The following SYCP1 variants were observed in gnomAD, a reference collection of about 807,000 sequenced individuals.
The protein encoded by SYCP1 is synaptonemal complex protein 1.
Under a neutral mutation model 153.1 loss-of-function variants are expected in SYCP1, and 64 were observed. The observed-to-expected ratio is 0.42, with a 90% confidence interval of 0.34 to 0.51. The LOEUF (loss-of-function observed/expected upper bound fraction) is 0.51. Ranked by LOEUF, SYCP1 falls within the 20% of genes least tolerant of loss-of-function variation. The pLI, the probability that SYCP1 is intolerant of heterozygous loss-of-function variation, is 0.06. For missense variants in SYCP1, 997 were observed against 1,049.0 expected (o/e 0.95, Z 0.68); for synonymous variants, 384 against 341.8 (o/e 1.12, Z -1.36).
intron 5 of SYCP1, 55 bp downstream of exon 5, chr1:114,857,552 A>G: frequency 8.0e-7 from 1 of 1,242,790 alleles, no homozygotes; most frequent in Non-Finnish European, 1.1e-6. Context: ...ATAACTTATT[A>G]CCTATATGTA....
chr1:114,977,493 A>C (rs1672876362), intron 27 of SYCP1, 64 bp from the exon 28 acceptor site: 1 of 994,658 alleles, frequency 1.0e-6, no homozygotes, highest in African/African-American at 1.7e-5. Context: ...AAAGATTTTG[A>C]TAATATTCAT....
Position 114,918,815 on chromosome 1 carries a change from T to C in SYCP1, c.1719-4634T>C, listed in dbSNP as rs572062491. Among the ~76,000 whole-genome samples the C allele has an allele frequency of 7.2e-5, 11 of 152,222 alleles. No homozygotes were observed. The South Asian group carries it at 2.3e-3, about 32-fold the overall frequency. On this transcript the variant is annotated intron_variant, in intron 20 of 31. Coordinates refer to ENST00000369522, the MANE Select transcript of SYCP1 (RefSeq NM_003176.4). Reference sequence around the variant, plus strand: ...ATTGTTTGCTGTTGGCATATAGAAATGCTACTGATTCTTTTATCCTGAAAC... The same window carrying C: ...ATTGTTTGCTGTTGGCATATAGAAACGCTACTGATTCTTTTATCCTGAAAC...
chr1:114,877,107 A>G (rs998470236), intron 11 of SYCP1, among the ~76,000 whole-genome samples: 1 of 152,128 alleles, frequency 6.6e-6, no homozygotes, highest in Non-Finnish European at 1.5e-5. Context: ...TGTTCAGACA[A>G]AAACTTCATG....
intron 8 of SYCP1, among the ~76,000 whole-genome samples, chr1:114,865,736 C>T (rs1276822438): frequency 1.3e-5 from 2 of 152,192 alleles, no homozygotes; most frequent in African/African-American, 4.8e-5. Context: ...CATTAGTGTT[C>T]ACTCTTGGTG....
chr1:114,889,174 A>C (rs1223392141), intron 15 of SYCP1, among the ~76,000 whole-genome samples: 2 of 152,180 alleles, frequency 1.3e-5, no homozygotes, highest in Non-Finnish European at 2.9e-5. Flanking sequence ...ATATGTGTGC[A>C]TGTGTCTTTA....
At position 114,921,767 on chromosome 1, in the gene SYCP1, A is replaced by G. The variant is rs184128265; in HGVS notation, c.1719-1682A>G. 1.0e-3 allele frequency among the ~76,000 whole-genome samples: 158 copies of G among 152,252 alleles called. 2 individuals are homozygous for G. The highest frequency in any genetic ancestry group is 3.7e-3 in the African/African-American group (153 of 41,552). On this transcript the variant is annotated intron_variant, in intron 20 of 31. Transcript: ENST00000369522. ...ATCTTCAGATGATTTCTTATTGCTC[A>G]TTAACATTCTTTTCTTTCAGATGGA... is the stretch of plus-strand genomic sequence containing the variant.
chr1:114,973,231 TAG>T (rs1044030457), intron 27 of SYCP1, among the ~76,000 whole-genome samples: 3 of 152,108 alleles, frequency 2.0e-5, no homozygotes, highest in Admixed American at 6.6e-5. Flanking sequence ...TGTATTCTTT[TAG>T]AGGAATCTTC....
chr1:114,865,213 A>G (rs1052208059), intron 8 of SYCP1, among the ~76,000 whole-genome samples: 4 of 151,122 alleles, frequency 2.6e-5, no homozygotes, highest in Non-Finnish European at 5.9e-5. Context: ...CCTGGGGTCC[A>G]TTTCTGTGAT....
intron 27 of SYCP1, among the ~76,000 whole-genome samples, chr1:114,963,859 A>C (rs1027722641): frequency 1.3e-5 from 2 of 152,150 alleles, no homozygotes; most frequent in Non-Finnish European, 2.9e-5. Flanking sequence ...TTTATAGTAG[A>C]ATGATTTATA....
chr1:114,897,863 C>T (rs1382886991), intron 16 of SYCP1, among the ~76,000 whole-genome samples: 1 of 152,136 alleles, frequency 6.6e-6, no homozygotes, highest in African/African-American at 2.4e-5. Context: ...TCCTGGCAAC[C>T]ATGACAGGTA....
At position 114,910,520 on chromosome 1, in the gene SYCP1, T is replaced by C; in HGVS notation, c.1425+19T>C. 6.9e-7 allele frequency: 1 copy of C among 1,442,258 alleles called. No individual in the cohort carries two copies. 89.3% of individuals were successfully genotyped at this position (1,442,258 alleles called of 1,614,324 possible). ...CAGAGAGGTTTGTTTAAGGAAACAT[T>C]TTTATTTTAAATATTTTGTTAATAG... On this transcript the variant is annotated intron_variant, in intron 17 of 31. Transcript: ENST00000369522.
chr1:114,948,030 G>A (rs2101834396), intron 27 of SYCP1, among the ~76,000 whole-genome samples: 1 of 151,358 alleles, frequency 6.6e-6, no homozygotes, highest in East Asian at 1.9e-4. Flanking sequence ...TTAACGTTAG[G>A]TATATCTCCT....
intron 30 of SYCP1, among the ~76,000 whole-genome samples, chr1:114,989,601 T>C (rs912538317): frequency 1.3e-5 from 2 of 151,956 alleles, no homozygotes; most frequent in Admixed American, 1.3e-4. Flanking sequence ...GAAAACTATA[T>C]GCTGTTTTCA....
At chr1:114,890,936 T>A (rs759698607) in intron 15 of SYCP1, among the ~76,000 whole-genome samples, 6 of 152,170 alleles carry the variant, frequency 3.9e-5, no homozygotes, top group Non-Finnish European at 4.4e-5. Flanking sequence ...TCAGGATGCA[T>A]GTAAAGAACA....
At chr1:114,918,335 T>C (rs962204797) in intron 20 of SYCP1, among the ~76,000 whole-genome samples, 13 of 152,140 alleles carry the variant, frequency 8.5e-5, no homozygotes, top group Non-Finnish European at 1.8e-4. Context: ...CTCTGTTCTG[T>C]TTCATTGGTC....
intron 15 of SYCP1, among the ~76,000 whole-genome samples, chr1:114,892,000 C>T (rs1023083540): frequency 2.0e-5 from 3 of 151,998 alleles, no homozygotes; most frequent in Non-Finnish European, 4.4e-5. Flanking sequence ...TGGGCCAGTC[C>T]GCAGGCCTAC....
chr1:114,986,715 A>G (rs191176447), intron 30 of SYCP1, among the ~76,000 whole-genome samples: 1 of 152,168 alleles, frequency 6.6e-6, no homozygotes, highest in Non-Finnish European at 1.5e-5. Flanking sequence ...GACCTCAGGA[A>G]GATGGTGGAG....
At chr1:114,955,559 C>T (rs1283703180) in intron 27 of SYCP1, among the ~76,000 whole-genome samples, 2 of 152,092 alleles carry the variant, frequency 1.3e-5, no homozygotes, top group Non-Finnish European at 2.9e-5. Context: ...GACTTTTAAA[C>T]AATAAATTCA....
intron 23 of SYCP1, among the ~76,000 whole-genome samples, chr1:114,928,127 G>GA (rs1217956462): frequency 6.6e-6 from 1 of 151,998 alleles, no homozygotes; most frequent in Non-Finnish European, 1.5e-5. Context: ...GACCTGGGCA[G>GA]AAAAAATTAA....
Sources: gnomAD v4.1 joint callset for allele counts (sites outside exome capture counted in the v4.1 genomes callset) on GRCh38, gnomAD v4.1.1 for gene constraint, MANE v1.5 for transcripts, NCBI Gene and HGNC (gene_info 2026-07-23, HGNC 2026-07-21) for gene names.